STOX2: variants seen among roughly 807,000 people sequenced by gnomAD.
STOX2 encodes storkhead box 2.
STOX2 carries 28 observed loss-of-function variants against 60.9 expected under a neutral mutation model. The observed-to-expected ratio is 0.46, with a 90% confidence interval of 0.34 to 0.63. STOX2 has a LOEUF of 0.63. Ranked by LOEUF, STOX2 falls within the 30% of genes least tolerant of loss-of-function variation. The pLI is 0.01. For missense variants in STOX2, 1,024 were observed against 1,187.7 expected, an observed-to-expected ratio of 0.86 and a Z score of 2.03; for synonymous variants, 472 against 463.9, an observed-to-expected ratio of 1.02 and a Z score of -0.22.
chr4:183,888,631 C>T (rs982418739), intron 1 of STOX2, among the ~76,000 whole-genome samples: 7 of 152,244 alleles, frequency 4.6e-5, no homozygotes, highest in African/African-American at 1.7e-4. Flanking sequence ...TTGCCTGCTC[C>T]TTGCCAATCC....
At position 183,825,347 on chromosome 4, in the gene STOX2, G is replaced by C. The variant is rs1579306339; in HGVS notation, c.364+27292G>C. Among the ~76,000 whole-genome samples, 1 of 152,222 alleles carries C rather than the reference G, an allele frequency of 6.6e-6. No homozygotes were observed. The highest frequency in any genetic ancestry group is 1.9e-4 in the East Asian group (1 of 5,188). ...TGAGGCTTCCCAAGCAGTAGGTTGG[G>C]AGGAAGGTGGGCCGGGAGCGGTCAG... On this transcript the variant is annotated intron_variant, in intron 1 of 2. Transcript: ENST00000513034. This position sits in a 1 kb window ranked among gnomAD's most constrained non-coding sequence, Gnocchi z 4.1.
intron 1 of STOX2, among the ~76,000 whole-genome samples, chr4:183,834,930 C>T (rs1025959629): frequency 2.0e-5 from 3 of 152,062 alleles, no homozygotes; most frequent in African/African-American, 7.2e-5. Flanking sequence ...TCTGGGGAAC[C>T]TGTGGATGAG....
intron 1 of STOX2, among the ~76,000 whole-genome samples, chr4:183,810,755 T>C (rs2111100321): frequency 6.6e-6 from 1 of 151,272 alleles, no homozygotes; most frequent in East Asian, 1.9e-4. Context: ...TTCTCCCATG[T>C]TGTGGCACAG....
At chr4:183,992,840 G>A (rs763400247) in intron 1 of STOX2, among the ~76,000 whole-genome samples, 1 of 152,222 alleles carries the variant, frequency 6.6e-6, no homozygotes, top group Non-Finnish European at 1.5e-5. Context: ...TTGAGGACCT[G>A]CCGTGTGAAA....
intron 1 of STOX2, among the ~76,000 whole-genome samples, chr4:183,808,735 G>GA (rs1212527192): frequency 6.6e-6 from 1 of 151,988 alleles, no homozygotes; most frequent in African/African-American, 2.4e-5. Flanking sequence ...CTCTTATATT[G>GA]AAAAAGGAAC....
intron 1 of STOX2, among the ~76,000 whole-genome samples, chr4:183,986,829 A>T (rs553796320): frequency 4.6e-5 from 7 of 152,264 alleles, no homozygotes; most frequent in Admixed American, 4.6e-4. Context: ...AGGCTGAATC[A>T]CCGGAGTCAG....
chr4:183,987,282 G>C (rs1436621920), intron 1 of STOX2, among the ~76,000 whole-genome samples: 2 of 151,990 alleles, frequency 1.3e-5, no homozygotes, highest in African/African-American at 2.4e-5. Context: ...ATGTTTACGT[G>C]TTGCTTCTTG....
intron 1 of STOX2, among the ~76,000 whole-genome samples, chr4:183,996,138 C>G (rs1462976730): frequency 2.0e-5 from 3 of 152,192 alleles, no homozygotes. Context: ...TTCCTCTGTC[C>G]AAGGCACTGA....
At chr4:183,804,248 G>A (rs1738833077) in intron 1 of STOX2, among the ~76,000 whole-genome samples, 1 of 152,222 alleles carries the variant, frequency 6.6e-6, no homozygotes, top group Non-Finnish European at 1.5e-5. Context: ...TACTTAATAA[G>A]TGATAGAGCC....
intron 1 of STOX2, among the ~76,000 whole-genome samples, chr4:183,992,709 C>T (rs1385128921): frequency 6.6e-6 from 1 of 152,116 alleles, no homozygotes; most frequent in Admixed American, 6.5e-5. Context: ...GTGGCTTTAC[C>T]TTCATTCTGG....
At chr4:184,007,736 G>C (rs6552730) in intron 2 of STOX2, among the ~76,000 whole-genome samples, 152,324 of 152,330 alleles carry the variant, frequency 1, 76,159 homozygotes, top group Non-Finnish European at 1. Context: ...AGCTGTGAGG[G>C]CCCTGTCCTC....
At chr4:183,966,540 C>T (rs561711279) in intron 1 of STOX2, among the ~76,000 whole-genome samples, 1 of 152,326 alleles carries the variant, frequency 6.6e-6, no homozygotes, top group Admixed American at 6.5e-5. Flanking sequence ...GCGCCTCCCC[C>T]AGAAGCCGTT....
At chr4:183,975,447 C>A (rs567776066) in intron 1 of STOX2, among the ~76,000 whole-genome samples, 1 of 152,080 alleles carries the variant, frequency 6.6e-6, no homozygotes, top group South Asian at 2.1e-4. Context: ...GCCAGATTGA[C>A]AAGGAAATAT....
chr4:183,994,959 A>G lies in STOX2; in HGVS notation c.167-6366A>G, dbSNP rs535325423. ...AAAAAAAAATTATTTAAAGAAAGCT[A>G]AGATAGAGGATGGAGGCTGGTACTT... On this transcript the variant is annotated intron_variant, in intron 1 of 3. Coordinates refer to ENST00000308497, the MANE Select transcript of STOX2 (RefSeq NM_020225.3). 3.3e-5 allele frequency among the ~76,000 whole-genome samples: 5 copies of G among 152,350 alleles called. No individual in the cohort carries two copies. The South Asian group carries it at 1.0e-3, about 32-fold the overall frequency.
At position 183,821,154 on chromosome 4, in the gene STOX2, G is replaced by A. The variant is rs904942518; in HGVS notation, c.364+23099G>A. Among the ~76,000 whole-genome samples the A allele has an allele frequency of 8.5e-5, 13 of 152,248 alleles. No individual in the cohort carries two copies. The East Asian group carries it at 1.5e-3, about 18-fold the overall frequency. On this transcript the variant is annotated intron_variant, in intron 1 of 2. Transcript: ENST00000513034. This position sits in a 1 kb window ranked among gnomAD's most constrained non-coding sequence, Gnocchi z 4.2. Reference sequence around the variant, plus strand: ...AGAAAAAAGAGATTTTTCTCTTCACGGTTCTGTTGAGTTCCTGGCCCTCCT... The same window carrying A: ...AGAAAAAAGAGATTTTTCTCTTCACAGTTCTGTTGAGTTCCTGGCCCTCCT...
chr4:183,876,660 T>C lies in STOX2; in HGVS notation c.364+78605T>C, dbSNP rs139920381. Among the ~76,000 whole-genome samples the C allele has an allele frequency of 2.3e-3, 352 of 152,324 alleles. 1 individual carries two copies. Among genetic ancestry groups the C allele is most frequent in the African/African-American group, 8.3e-3 (345 of 41,582 alleles). ...CCTGCTGAGCTGTCAGTAGTTCTCA[T>C]TGTCCCGTAGGGGACCCAGCACCTC... is the stretch of plus-strand genomic sequence containing the variant. On this transcript the variant is annotated intron_variant, in intron 1 of 2. Transcript: ENST00000513034.
intron 1 of STOX2, among the ~76,000 whole-genome samples, chr4:183,954,775 G>T (rs963368437): frequency 2.7e-5 from 4 of 150,594 alleles, no homozygotes; most frequent in African/African-American, 1.0e-4. Context: ...GTCTCACTGT[G>T]TTGCCCAGGC....
At chr4:183,898,310 C>T (rs1354257559) in intron 1 of STOX2, among the ~76,000 whole-genome samples, 1 of 151,894 alleles carries the variant, frequency 6.6e-6, no homozygotes, top group East Asian at 1.9e-4. Flanking sequence ...GAGAATGACT[C>T]CCAGGTTCTT....
intron 1 of STOX2, among the ~76,000 whole-genome samples, chr4:183,956,262 T>C (rs2111154647): frequency 6.6e-6 from 1 of 152,314 alleles, no homozygotes; most frequent in East Asian, 1.9e-4. Context: ...CACCAGCTTT[T>C]AATTTATTTC....
Sources: allele counts gnomAD v4.1 joint callset (sites outside exome capture counted in the v4.1 genomes callset), GRCh38; gene constraint gnomAD v4.1.1; non-coding constraint Gnocchi (gnomAD v3.1); transcripts MANE v1.5; gene names NCBI Gene and HGNC (gene_info 2026-07-23, HGNC 2026-07-21).